GPN2: variants seen among roughly 807,000 people sequenced by gnomAD.
GPN2 encodes the protein GPN-loop GTPase 2, also known as ATP-binding domain 1 family member B.
GPN2 carries 27 observed loss-of-function variants against 30.1 expected under a neutral mutation model. That is an observed-to-expected ratio of 0.90 (90% CI 0.66 to 1.24). The LOEUF (loss-of-function observed/expected upper bound fraction) is 1.24, where lower values mean the gene tolerates loss of function less well. Among genes scored for constraint, GPN2 ranks in the 50% most tolerant of loss-of-function variants. GPN2 has a pLI of 0.00. For missense variants in GPN2, 406 were observed against 405.4 expected, an observed-to-expected ratio of 1.00 and a Z score of -0.01; for synonymous variants, 212 against 174.4, an observed-to-expected ratio of 1.22 and a Z score of -1.70.
At chr1:26,885,831 G>A (rs1330693170) in intron 3 of GPN2, 142 bp downstream of exon 3, 13 of 643,712 alleles carry the variant, frequency 2.0e-5, no homozygotes, top group Admixed American at 7.6e-5. Context: ...TGCCCACCTC[G>A]GCCTCCCAAA....
intron 4 of GPN2, among the ~76,000 whole-genome samples, chr1:26,883,348 T>TTCG (rs1553160140): frequency 2.6e-5 from 4 of 152,220 alleles, no homozygotes; most frequent in Non-Finnish European, 2.9e-5. Context: ...GAATGACTAA[T>TTCG]GCCCTCTCAT....
chr1:26,889,786 C>T lies in GPN2; in HGVS notation c.311G>A (p.Gly104Asp). 6.2e-7 allele frequency: 1 copy of T among 1,613,908 alleles called. No individual in the cohort carries two copies. Among genetic ancestry groups the T allele is most frequent in the Non-Finnish European group, 8.5e-7 (1 of 1,180,014 alleles). Residue 104 changes from glycine (G) to aspartate (D), a missense_variant, in exon 1 of 5, where the codon GGC becomes GAC. Gly to Asp is a moderately conservative substitution (Grantham distance 94). Transcript: ENST00000374135. The part of the protein sequence containing the change: ...WLRAKLDPLR[G>D]HYFLFDCPGQ... ...TGGGCAGTCGAAGAGGAAGTAGTGG[C>T]CGCGGAGGGGGTCGAGCTTGGCACG...
At position 26,889,015 on chromosome 1, in the gene GPN2, G is replaced by C. The variant is rs1007256809; in HGVS notation, c.522C>G (p.Ile174Met). ...ATMLHVELPH[I>M]NLLSKMDLIE... ...TGAGGTCCATCTTGGAAAGGAGGTTGATGTGGGGCAGTTCCACGTGCAGCA... is the reference window on the plus strand; with the variant it reads ...TGAGGTCCATCTTGGAAAGGAGGTTCATGTGGGGCAGTTCCACGTGCAGCA... The change falls in exon 2 of 5, where the codon ATC becomes ATG. Residue 174 changes from isoleucine (I) to methionine (M), a missense_variant. Physicochemically the swap from Ile to Met is conservative, Grantham distance 10. Coordinates refer to ENST00000374135, the MANE Select transcript of GPN2 (RefSeq NM_018066.4). The C allele has an allele frequency of 1.9e-6, 3 of 1,614,194 alleles. No individual in the cohort carries two copies. Among genetic ancestry groups the C allele is most frequent in the Non-Finnish European group, 2.5e-6 (3 of 1,179,988 alleles).
chr1:26,890,172 G>A lies in GPN2; in HGVS notation c.-76C>T, dbSNP rs2081914464. 1.6e-5 allele frequency: 20 copies of A among 1,290,280 alleles called. No homozygotes were observed. The highest frequency in any genetic ancestry group is 2.1e-5 in the Non-Finnish European group (20 of 965,248). The allele number at this position is 1,290,280 out of a possible 1,614,324, so 79.9% of individuals were successfully genotyped here. On this transcript the variant is annotated 5_prime_UTR_variant, in exon 1 of 5. Transcript: ENST00000374135. ...TAGCCGCGCCGGAGACGAGACTGAG[G>A]GCGAGGGTCCCAGTACGTATACCTC...
At chr1:26,888,430 A>C (rs1290802562) in intron 2 of GPN2, among the ~76,000 whole-genome samples, 3 of 152,158 alleles carry the variant, frequency 2.0e-5, no homozygotes, top group Non-Finnish European at 4.4e-5. Flanking sequence ...TGAGAAATAA[A>C]TATTTATTGG....
Position 26,878,135 on chromosome 1 carries a change from T to A in GPN2, c.*1542A>T, listed in dbSNP as rs983199119. The stretch of plus-strand genomic sequence containing the variant: ...GCCACCAGGTTACAACTGCAAAAAA[T>A]TAGGTTGGGGTGCCACCTACTGGTT... On this transcript the variant is annotated 3_prime_UTR_variant, in exon 5 of 5. Transcript: ENST00000374135. The A allele has an allele frequency of 2.6e-5, 4 of 152,162 alleles. No individual in the cohort carries two copies. The highest frequency in any genetic ancestry group is 5.9e-5 in the Non-Finnish European group (4 of 68,034). 9.4% of individuals were successfully genotyped at this position (152,162 alleles called of 1,614,324 possible). A position where few individuals can be genotyped will look rare whatever the true frequency, so the allele number is the denominator to read the frequency against.
intron 2 of GPN2, chr1:26,886,609 G>C: frequency 5.3e-6 from 2 of 374,486 alleles, no homozygotes; most frequent in African/African-American, 2.1e-5. Flanking sequence ...ACAAGGTCAG[G>C]AGATCGAGAC....
Position 26,889,840 on chromosome 1 carries a change from T to C in GPN2, c.257A>G (p.Glu86Gly), listed in dbSNP as rs1257886604. Residue 86 changes from glutamate to glycine, a missense_variant, in exon 1 of 5, where the codon GAG becomes GGG. Transcript: ENST00000374135. ...CCAGTCCAGGTTGGCTTCCAGGTAC[T>C]CCATGCAGTAGAGCAGGCCGCCGTT... Reference protein sequence around the residue: ...GPNGGLLYCMEYLEANLDWLR... With the variant: ...GPNGGLLYCMGYLEANLDWLR... 6.2e-6 allele frequency: 10 copies of C among 1,613,556 alleles called. No individual in the cohort carries two copies. Among genetic ancestry groups the C allele is most frequent in the Non-Finnish European group, 8.5e-6 (10 of 1,180,002 alleles).
chr1:26,885,024 T>C (rs2081883542), intron 3 of GPN2, among the ~76,000 whole-genome samples: 1 of 152,048 alleles, frequency 6.6e-6, no homozygotes, highest in South Asian at 2.1e-4. Context: ...TGTTTCCTCA[T>C]CCACATACAG....
At chr1:26,889,414 C>G (rs1387671878) in intron 1 of GPN2, among the ~76,000 whole-genome samples, 1 of 152,212 alleles carries the variant, frequency 6.6e-6, no homozygotes, top group African/African-American at 2.4e-5. Context: ...AATCTCCATG[C>G]CACTTTCGAC....
intron 4 of GPN2, 121 bp downstream of exon 4, chr1:26,884,039 C>CAA (rs373357961): frequency 3.9e-3 from 1,654 of 424,464 alleles, no homozygotes; most frequent in East Asian, 5.1e-3. Flanking sequence ...GACTCCATCT[C>CAA]AAAAAAAAAA....
At chr1:26,880,349 T>G (rs571682828) in intron 4 of GPN2, among the ~76,000 whole-genome samples, 178 of 152,324 alleles carry the variant, frequency 1.2e-3, no homozygotes, top group Non-Finnish European at 1.9e-3. Flanking sequence ...AGTCTCACTC[T>G]GTCACCAAGC....
Position 26,878,688 on chromosome 1 carries a change from G to A in GPN2, c.*989C>T, listed in dbSNP as rs1305007307. 1 of 152,008 alleles carries A rather than the reference G, an allele frequency of 6.6e-6. No homozygotes were observed. Among genetic ancestry groups the A allele is most frequent in the African/African-American group, 2.4e-5 (1 of 41,402 alleles). 9.4% of individuals were successfully genotyped at this position (152,008 alleles called of 1,614,324 possible). A position where few individuals can be genotyped will look rare whatever the true frequency, so the allele number is the denominator to read the frequency against. ...CAGCTCACTGTAACCTCTGACTCCT[G>A]GGTTCAAATGATTCTCCTGCCTCAG... On this transcript the variant is annotated 3_prime_UTR_variant, in exon 5 of 5. Transcript: ENST00000374135.
In GPN2 at chr1:26,882,140, G is replaced by A. The variant is rs184348072; in HGVS notation, c.860+2020C>T. ...GCTGAGGCAGGAGAATTGCTTGAACGTGGGAGATGGAGGTTGCAGTGAGCT... is the reference window on the plus strand; with the variant it reads ...GCTGAGGCAGGAGAATTGCTTGAACATGGGAGATGGAGGTTGCAGTGAGCT... On this transcript the variant is annotated intron_variant, in intron 4 of 4. Coordinates refer to ENST00000374135, the MANE Select transcript of GPN2 (RefSeq NM_018066.4). Among the ~76,000 whole-genome samples, 53 of 151,132 alleles carry A rather than the reference G, an allele frequency of 3.5e-4. 1 individual carries two copies. The highest frequency in any genetic ancestry group is 4.9e-5 in the African/African-American group (2 of 41,096).
At chr1:26,888,618 G>A (rs182133174) in intron 2 of GPN2, among the ~76,000 whole-genome samples, 1 of 152,226 alleles carries the variant, frequency 6.6e-6, no homozygotes, top group African/African-American at 2.4e-5. Context: ...CTGAGGTCCA[G>A]AGAGATGAAC....
Position 26,889,735 on chromosome 1 carries a change from T to C in GPN2, c.362A>G (p.His121Arg). Reference protein sequence around the residue: ...CPGQVELCTHHGALRSIFSQM... With the variant: ...CPGQVELCTHRGALRSIFSQM... ...GGAGAAGATGCTGCGCAAGGCGCCG[T>C]GATGCGTGCAGAGCTCCACCTGGCC... The change falls in exon 1 of 5, where the codon CAC becomes CGC. Residue 121 changes from histidine to arginine, a missense_variant. By Grantham distance (29) the His-to-Arg change is conservative (BLOSUM62 0). Coordinates refer to ENST00000374135, the MANE Select transcript of GPN2 (RefSeq NM_018066.4). 6.2e-7 allele frequency: 1 copy of C among 1,608,682 alleles called. No individual in the cohort carries two copies. Among genetic ancestry groups the C allele is most frequent in the Non-Finnish European group, 8.5e-7 (1 of 1,176,782 alleles).
chr1:26,889,730 C>G lies in GPN2; in HGVS notation c.367G>C (p.Ala123Pro). The G allele has an allele frequency of 1.2e-6, 2 of 1,604,924 alleles. No homozygotes were observed. Among genetic ancestry groups the G allele is most frequent in the Non-Finnish European group, 1.7e-6 (2 of 1,174,602 alleles). The change falls in exon 1 of 5, where the codon GCC becomes CCC. Residue 123 changes from alanine (A) to proline (P), a missense_variant. By Grantham distance (27) the Ala-to-Pro change is conservative (BLOSUM62 -1). Coordinates refer to ENST00000374135, the MANE Select transcript of GPN2 (RefSeq NM_018066.4). ...GQVELCTHHG[A>P]LRSIFSQMAQ... The stretch of plus-strand genomic sequence containing the variant: ...ATTTGGGAGAAGATGCTGCGCAAGG[C>G]GCCGTGATGCGTGCAGAGCTCCACC...
intron 4 of GPN2, 76 bp downstream of exon 4, chr1:26,884,084 G>T: frequency 3.8e-4 from 343 of 899,450 alleles, no homozygotes; most frequent in Non-Finnish European, 5.2e-4. Flanking sequence ...CAAGGTTGAT[G>T]ACTGCACCTC....
At chr1:26,886,392 G>A (rs1290866832) in intron 2 of GPN2, 1 of 532,600 alleles carries the variant, frequency 1.9e-6, no homozygotes. Context: ...ACAGAGAAGT[G>A]CTTGATCAAT....
Sources: gnomAD v4.1 joint callset for allele counts (sites outside exome capture counted in the v4.1 genomes callset) on GRCh38, gnomAD v4.1.1 for gene constraint, MANE v1.5 for transcripts, NCBI Gene and HGNC (gene_info 2026-07-23, HGNC 2026-07-21) for gene names.